MANBA: variants seen among roughly 807,000 people sequenced by gnomAD.
MANBA encodes the protein beta-mannosidase.
Under a neutral mutation model 111.1 loss-of-function variants are expected in MANBA, and 83 were observed. The observed-to-expected ratio is 0.75, with a 90% CI of 0.63 to 0.90. The LOEUF is 0.90. Among genes scored for constraint, MANBA ranks in the 40% least tolerant of loss-of-function variants. MANBA has a pLI of 0.00. For synonymous variants in MANBA, 370 were observed against 378.7 expected (o/e 0.98, Z 0.27); for missense variants, 1,036 against 1,069.0 (o/e 0.97, Z 0.43).
chr4:102,715,977 A>G (rs1722310561), intron 4 of MANBA, among the ~76,000 whole-genome samples: 1 of 152,132 alleles, frequency 6.6e-6, no homozygotes. Context: ...TTTAAATCTA[A>G]TAGTTACAAA....
At chr4:102,729,177 C>T in intron 1 of MANBA, 1 of 722,724 alleles carries the variant, frequency 1.4e-6, no homozygotes, top group Non-Finnish European at 2.6e-6. Flanking sequence ...TGATGGTGCC[C>T]TCCAGGGAAG....
chr4:102,638,202 C>T (rs1729712824), intron 14 of MANBA, among the ~76,000 whole-genome samples: 1 of 152,046 alleles, frequency 6.6e-6, no homozygotes, highest in Non-Finnish European at 1.5e-5. Context: ...GGAGGGTAGA[C>T]TGCTTCAGAC....
chr4:102,695,153 T>C (rs1237127482), intron 5 of MANBA, among the ~76,000 whole-genome samples: 2 of 152,192 alleles, frequency 1.3e-5, no homozygotes, highest in Non-Finnish European at 1.5e-5. Flanking sequence ...CTCTAGCTCA[T>C]GTAGATGTGT....
intron 13 of MANBA, among the ~76,000 whole-genome samples, chr4:102,644,850 A>G (rs1274248382): frequency 6.6e-6 from 1 of 152,078 alleles, no homozygotes; most frequent in African/African-American, 2.4e-5. Flanking sequence ...CATATACCAA[A>G]ACATCATGTT....
chr4:102,752,929 C>T (rs1337235617), intron 1 of MANBA, among the ~76,000 whole-genome samples: 1 of 152,138 alleles, frequency 6.6e-6, no homozygotes, highest in South Asian at 2.1e-4. Flanking sequence ...TAAAATATAT[C>T]TTTCTCTGGC....
chr4:102,745,943 G>C (rs957847822), intron 1 of MANBA, among the ~76,000 whole-genome samples: 7 of 152,182 alleles, frequency 4.6e-5, no homozygotes, highest in African/African-American at 1.7e-4. Flanking sequence ...CTAGGTATAG[G>C]TCTAGAAGCA....
At chr4:102,727,626 G>A (rs1004058027) in intron 1 of MANBA, 1 of 1,541,592 alleles carries the variant, frequency 6.5e-7, no homozygotes. Context: ...TGCCCATGTT[G>A]TTGTATTCCC....
intron 7 of MANBA, among the ~76,000 whole-genome samples, chr4:102,685,952 T>G (rs12644430): frequency 6.6e-6 from 1 of 151,906 alleles, no homozygotes; most frequent in East Asian, 1.9e-4. Flanking sequence ...CTGAAGGCCC[T>G]TGTGTCCTTT....
rs75808172 is a variant in MANBA, at chr4:102,715,655, C to T, written c.550-1094G>A. 8.8e-3 allele frequency among the ~76,000 whole-genome samples: 1,347 copies of T among 152,304 alleles called. 27 individuals carry two copies. The highest frequency in any genetic ancestry group is 0.031 in the African/African-American group (1,280 of 41,566). ...ATCTTCTCTCTCCTCCCACCCTCCA[C>T]CTTCTGGCAGGCCCCAGGGTGTGTT... On this transcript the variant is annotated intron_variant, in intron 4 of 16. Coordinates refer to ENST00000647097, the MANE Select transcript of MANBA (RefSeq NM_005908.4).
Position 102,639,874 on chromosome 4 carries a change from T to C in MANBA, c.1870-17A>G. ...CTGCATCACCTGATTCAGGAAAACA[T>C]TCATACACAGGTGTTATTGTTTGAT... On this transcript the variant is annotated splice_polypyrimidine_tract_variant and intron_variant, in intron 13 of 16. Coordinates refer to ENST00000647097, the MANE Select transcript of MANBA (RefSeq NM_005908.4). 6.2e-7 allele frequency: 1 copy of C among 1,613,774 alleles called. No individual in the cohort carries two copies. The highest frequency in any genetic ancestry group is 8.5e-7 in the Non-Finnish European group (1 of 1,179,718).
intron 13 of MANBA, 32 bp downstream of exon 13, chr4:102,650,505 A>T (rs757929302): frequency 1.9e-6 from 3 of 1,574,872 alleles, no homozygotes; most frequent in African/African-American, 2.7e-5. Context: ...AATTGCAGGA[A>T]CCTGTTCAAT....
chr4:102,701,002 T>C (rs1051559823), intron 5 of MANBA, among the ~76,000 whole-genome samples: 3 of 151,954 alleles, frequency 2.0e-5, no homozygotes, highest in African/African-American at 7.3e-5. Flanking sequence ...CTAAGTCTCT[T>C]TGTAGGTCAC....
chr4:102,638,861 G>C (rs1429311692), intron 14 of MANBA, among the ~76,000 whole-genome samples: 3 of 152,116 alleles, frequency 2.0e-5, no homozygotes, highest in Non-Finnish European at 4.4e-5. Context: ...TTCACAGCCA[G>C]TTTAAGAGCC....
chr4:102,682,627 A>C (rs879043583), intron 7 of MANBA: 1 of 152,228 alleles, frequency 6.6e-6, no homozygotes, highest in Admixed American at 6.5e-5. Flanking sequence ...TCGCAAATAT[A>C]TTTAGTTTAG....
At chr4:102,712,931 G>A (rs187960762) in intron 5 of MANBA, among the ~76,000 whole-genome samples, 25 of 152,254 alleles carry the variant, frequency 1.6e-4, no homozygotes, top group African/African-American at 3.4e-4. Flanking sequence ...TTTTAGTAGC[G>A]AAAATCTTTA....
chr4:102,665,625 A>C (rs1731183577), intron 10 of MANBA: 1 of 152,030 alleles, frequency 6.6e-6, no homozygotes, highest in Non-Finnish European at 1.5e-5. Flanking sequence ...CCCTACATAA[A>C]GACAAAAGGA....
At chr4:102,643,597 G>A (rs1729975769) in intron 13 of MANBA, among the ~76,000 whole-genome samples, 1 of 152,098 alleles carries the variant, frequency 6.6e-6, no homozygotes, top group Admixed American at 6.5e-5. Context: ...AGATATTGTA[G>A]TGGATATAAC....
rs1416443366 is a variant in MANBA at position 102,722,851 on chromosome 4, C to T, written c.549+20G>A. 4.3e-6 allele frequency: 7 copies of T among 1,612,280 alleles called. No homozygotes were observed. Among genetic ancestry groups the T allele is most frequent in the South Asian group, 2.2e-5 (2 of 91,032 alleles). ...CCCCGTCCTCAAAAATAAAACCCGA[C>T]CTGTTTGAGAGACCATTACCTTCCG... On this transcript the variant is annotated intron_variant, in intron 4 of 16. Transcript: ENST00000647097.
rs7690700 is a variant in MANBA, at chr4:102,630,911, T to C, written c.*1146A>G. ...GGCAAACTACAAAGTAAACTCTGGC[T>C]CATCAGCTTGAAAGCCCCTTCTCAG... On this transcript the variant is annotated 3_prime_UTR_variant, in exon 17 of 17. Transcript: ENST00000647097. The C allele has an allele frequency of 0.55, 83,551 of 152,096 alleles. 23,393 individuals are homozygous for C. The highest frequency in any genetic ancestry group is 0.63 in the African/African-American group (26,184 of 41,490). 9.4% of individuals were successfully genotyped at this position (152,096 alleles called of 1,614,324 possible). A position where few individuals can be genotyped will look rare whatever the true frequency, so the allele number is the denominator to read the frequency against.
Sources: allele counts gnomAD v4.1 joint callset (sites outside exome capture counted in the v4.1 genomes callset), GRCh38; gene constraint gnomAD v4.1.1; transcripts MANE v1.5; gene names NCBI Gene and HGNC (gene_info 2026-07-23, HGNC 2026-07-21).